The following VAT1L variants were observed in gnomAD, a reference collection of about 807,000 sequenced individuals.
VAT1L encodes vesicle amine transport 1 like.
In VAT1L, 34 loss-of-function variants were observed where a neutral mutation model predicts 44.1. The observed-to-expected ratio is 0.77, with a 90% confidence interval of 0.59 to 1.03. VAT1L has a LOEUF of 1.03. Among genes scored for constraint, VAT1L ranks in the 50% least tolerant of loss-of-function variants. VAT1L has a pLI of 0.00. For missense variants in VAT1L, 615 were observed against 538.8 expected (o/e 1.14, Z -1.40); for synonymous variants, 253 against 202.2 (o/e 1.25, Z -2.13).
intron 7 of VAT1L, among the ~76,000 whole-genome samples, chr16:77,940,564 T>G (rs2017869099): frequency 1.1e-4 from 17 of 151,892 alleles, no homozygotes; most frequent in Admixed American, 1.1e-3. Flanking sequence ...ATGCTGGTCT[T>G]AAACTCCTGA....
At chr16:77,843,804 C>G (rs1463161770) in intron 3 of VAT1L, among the ~76,000 whole-genome samples, 1 of 152,194 alleles carries the variant, frequency 6.6e-6, no homozygotes, top group African/African-American at 2.4e-5. Context: ...ACTCAGGGTC[C>G]CTCCCCAGCC....
At chr16:77,932,930 G>A (rs2017749187) in intron 7 of VAT1L, among the ~76,000 whole-genome samples, 2 of 152,190 alleles carry the variant, frequency 1.3e-5, no homozygotes, top group East Asian at 1.9e-4. Flanking sequence ...CAGAAACAGA[G>A]GGACATTGGT....
intron 7 of VAT1L, among the ~76,000 whole-genome samples, chr16:77,959,813 G>A (rs1023871507): frequency 1.3e-5 from 2 of 152,302 alleles, no homozygotes; most frequent in East Asian, 1.9e-4. Flanking sequence ...GAGATAGGAG[G>A]TTCTAGATTT....
intron 4 of VAT1L, among the ~76,000 whole-genome samples, chr16:77,875,639 G>A (rs2017079975): frequency 6.6e-6 from 1 of 152,142 alleles, no homozygotes. Context: ...GAAATGAATA[G>A]AAGAGATCAA....
intron 6 of VAT1L, among the ~76,000 whole-genome samples, chr16:77,883,283 T>G (rs2142460247): frequency 6.6e-6 from 1 of 152,298 alleles, no homozygotes; most frequent in East Asian, 1.9e-4. Context: ...CTTGGATTTC[T>G]AACCTATAAC....
At chr16:77,800,675 A>T (rs1241071831) in intron 1 of VAT1L, 1 of 152,152 alleles carries the variant, frequency 6.6e-6, no homozygotes, top group African/African-American at 2.4e-5. Flanking sequence ...CCTGTTCCAG[A>T]TAGAAAATCA....
At chr16:77,886,636 C>A (rs771055153) in intron 7 of VAT1L, among the ~76,000 whole-genome samples, 2 of 152,166 alleles carry the variant, frequency 1.3e-5, no homozygotes, top group Non-Finnish European at 2.9e-5. Flanking sequence ...AACAAATGGA[C>A]AAGATCCCAT....
chr16:77,913,971 G>C (rs1381866368), intron 7 of VAT1L, among the ~76,000 whole-genome samples: 2 of 152,132 alleles, frequency 1.3e-5, no homozygotes, highest in African/African-American at 2.4e-5. Flanking sequence ...AATGCCTGAA[G>C]GCTGCCTTAT....
At chr16:77,830,058 C>G (rs1236981603) in intron 3 of VAT1L, among the ~76,000 whole-genome samples, 3 of 152,148 alleles carry the variant, frequency 2.0e-5, no homozygotes, top group Non-Finnish European at 4.4e-5. Flanking sequence ...CCTCGAGGAA[C>G]ATGAGATGCG....
intron 7 of VAT1L, among the ~76,000 whole-genome samples, chr16:77,965,567 A>C (rs551118640): frequency 6.6e-6 from 1 of 152,350 alleles, no homozygotes; most frequent in African/African-American, 2.4e-5. Flanking sequence ...GAGTAAATCC[A>C]GAATCCCAGC....
chr16:77,923,552 C>A (rs1015407170), intron 7 of VAT1L, among the ~76,000 whole-genome samples: 3 of 152,178 alleles, frequency 2.0e-5, no homozygotes, highest in African/African-American at 2.4e-5. Context: ...AGCATCCTCA[C>A]CTATCAGGTT....
chr16:77,848,670 C>T (rs1183842399), intron 3 of VAT1L, among the ~76,000 whole-genome samples: 1 of 152,150 alleles, frequency 6.6e-6, no homozygotes, highest in Non-Finnish European at 1.5e-5. Flanking sequence ...GCCAGCTATC[C>T]AGTAAACGTG....
chr16:77,821,223 A>C (rs187057110), intron 2 of VAT1L, among the ~76,000 whole-genome samples: 1 of 152,154 alleles, frequency 6.6e-6, no homozygotes, highest in Non-Finnish European at 1.5e-5. Context: ...ATGTAAAAGG[A>C]TAAGTCAATA....
chr16:77,816,429 A>C (rs1243239991), intron 1 of VAT1L, among the ~76,000 whole-genome samples: 1 of 152,016 alleles, frequency 6.6e-6, no homozygotes, highest in Non-Finnish European at 1.5e-5. Context: ...GATTGAGGAG[A>C]GGTGGTTGGT....
intron 3 of VAT1L, among the ~76,000 whole-genome samples, chr16:77,854,813 A>AGC (rs2016841654): frequency 6.6e-6 from 1 of 152,198 alleles, no homozygotes; most frequent in Non-Finnish European, 1.5e-5. Flanking sequence ...CAGTGAAAAC[A>AGC]ACTTTTAGAA....
chr16:77,893,334 A>G (rs778076819), intron 7 of VAT1L, among the ~76,000 whole-genome samples: 1 of 152,240 alleles, frequency 6.6e-6, no homozygotes, highest in African/African-American at 2.4e-5. Context: ...TCAGAAATAA[A>G]GGACAAAGGG....
chr16:77,876,467 T>A lies in VAT1L; in HGVS notation c.820T>A (p.Leu274Ile). 6.2e-7 allele frequency: 1 copy of A among 1,614,076 alleles called. No homozygotes were observed. The highest frequency in any genetic ancestry group is 8.5e-7 in the Non-Finnish European group (1 of 1,179,978). The change falls in exon 5 of 9, where the codon TTA (leucine) becomes ATA (isoleucine). Residue 274 changes from leucine to isoleucine, a missense_variant. By Grantham distance (5) the Leu-to-Ile change is conservative. Coordinates refer to ENST00000302536, the MANE Select transcript of VAT1L (RefSeq NM_020927.3). ...TCTCAAACCCCTGGGAACCTACATT[T>A]TATATGGTGAGTGCAAAACAGCAGC... ...SLLKPLGTYI[L>I]YGSSNMVTGE...
chr16:77,875,529 G>A (rs557956290), intron 4 of VAT1L, among the ~76,000 whole-genome samples: 2 of 152,182 alleles, frequency 1.3e-5, no homozygotes, highest in East Asian at 1.9e-4. Flanking sequence ...GAGTCTTCCT[G>A]TTCTACAGCC....
At chr16:77,850,613 A>T (rs1157986888) in intron 3 of VAT1L, among the ~76,000 whole-genome samples, 2 of 152,250 alleles carry the variant, frequency 1.3e-5, no homozygotes, top group Admixed American at 1.3e-4. Flanking sequence ...TGGGCACCCT[A>T]CACAATAGTA....
Sources: allele counts gnomAD v4.1 joint callset (sites outside exome capture counted in the v4.1 genomes callset), GRCh38; gene constraint gnomAD v4.1.1; transcripts MANE v1.5; gene names NCBI Gene and HGNC (gene_info 2026-07-23, HGNC 2026-07-21).